EVA1A: variants seen among roughly 807,000 people sequenced by gnomAD.
EVA1A encodes the protein protein eva-1 homolog A.
A neutral mutation model predicts 9.8 loss-of-function variants in EVA1A; 7 were observed. The observed-to-expected ratio is 0.71, with a 90% confidence interval of 0.41 to 1.34. The LOEUF (loss-of-function observed/expected upper bound fraction) is 1.34. Among genes scored for constraint, EVA1A ranks in the 40% most tolerant of loss-of-function variants. The pLI, the probability that EVA1A is intolerant of heterozygous loss-of-function variation, is 0.01. For synonymous variants in EVA1A, 90 were observed against 85.6 expected (o/e 1.05, Z -0.28); for missense variants, 206 against 205.9 (o/e 1.00, Z 0.00).
intron 1 of EVA1A, among the ~76,000 whole-genome samples, chr2:75,552,526 T>G (rs1676561940): frequency 6.6e-6 from 1 of 152,196 alleles, no homozygotes; most frequent in African/African-American, 2.4e-5. Context: ...TGCCCAATTC[T>G]CCACCCTAAT....
intron 1 of EVA1A, among the ~76,000 whole-genome samples, chr2:75,524,320 C>A (rs1470215233): frequency 6.6e-6 from 1 of 151,966 alleles, no homozygotes; most frequent in Non-Finnish European, 1.5e-5. Flanking sequence ...CTCTCTGAGG[C>A]TTCTATCTTC....
At chr2:75,561,259 C>T (rs562248222), upstream of EVA1A, 12 of 152,464 alleles carry the variant, frequency 7.9e-5, no homozygotes, top group African/African-American at 2.9e-4. Context: ...AAGCAGACCT[C>T]CAAGCCCCTG....
chr2:75,517,801 T>A (rs1425547961), intron 3 of EVA1A: 1 of 720,220 alleles, frequency 1.4e-6, no homozygotes, highest in East Asian at 2.7e-5. Flanking sequence ...CTGGGCCACT[T>A]CAATCACTCA....
Position 75,493,417 on chromosome 2 carries a change from G to A in EVA1A, c.278C>T (p.Ser93Phe). Residue 93 changes from serine (S) to phenylalanine (F), a missense_variant, in exon 4 of 4, where the codon TCC becomes TTC. By Grantham distance (155) the Ser-to-Phe change is radical (BLOSUM62 -2). Coordinates refer to ENST00000393913, the MANE Select transcript of EVA1A (RefSeq NM_001135032.2). Reference protein sequence around the residue: ...DSEDGSEDTVSDLSVRRHRRF... With the variant: ...DSEDGSEDTVFDLSVRRHRRF... The stretch of plus-strand genomic sequence containing the variant: ...GCGGTGTCTCCGCACGGAGAGATCG[G>A]ACACGGTGTCCTCACTGCCATCCTC... 6.2e-7 allele frequency: 1 copy of A among 1,614,178 alleles called. No individual in the cohort carries two copies. The highest frequency in any genetic ancestry group is 8.5e-7 in the Non-Finnish European group (1 of 1,180,040).
At chr2:75,514,295 C>T (rs1315818648) in intron 3 of EVA1A, among the ~76,000 whole-genome samples, 2 of 152,006 alleles carry the variant, frequency 1.3e-5, no homozygotes, top group East Asian at 3.9e-4. Flanking sequence ...AGGTGATGCC[C>T]TAGATGGGTA....
chr2:75,507,036 CTGGA>C (rs1674642182), intron 3 of EVA1A, among the ~76,000 whole-genome samples: 1 of 152,178 alleles, frequency 6.6e-6, no homozygotes, highest in African/African-American at 2.4e-5. Flanking sequence ...TAGATCTGTC[CTGGA>C]TCTGTGTTCA....
chr2:75,512,868 C>A (rs1674865611), intron 3 of EVA1A, among the ~76,000 whole-genome samples: 1 of 152,118 alleles, frequency 6.6e-6, no homozygotes, highest in South Asian at 2.1e-4. Flanking sequence ...CCAGACATTG[C>A]CAGAAGTCCC....
intron 1 of EVA1A, among the ~76,000 whole-genome samples, chr2:75,532,961 GGCAAAACCCC>G (rs1675721169): frequency 6.6e-6 from 1 of 151,948 alleles, no homozygotes. Flanking sequence ...TAGGTAATAT[GGCAAAACCCC>G]ATCTTTACTA....
intron 1 of EVA1A, among the ~76,000 whole-genome samples, chr2:75,545,642 G>A (rs765909895): frequency 1.3e-5 from 2 of 152,068 alleles, no homozygotes; most frequent in East Asian, 1.9e-4. Flanking sequence ...CGGGGAAGGA[G>A]GCTAAAGGGA....
At chr2:75,534,501 C>CAA (rs1675803561) in intron 1 of EVA1A, among the ~76,000 whole-genome samples, 1 of 71,478 alleles carries the variant, frequency 1.4e-5, no homozygotes, top group Non-Finnish European at 2.6e-5. Flanking sequence ...GTTCAAGTAA[C>CAA]TAAAAAAAGA....
chr2:75,536,359 TC>T (rs70937851), intron 1 of EVA1A, among the ~76,000 whole-genome samples: 1 of 149,836 alleles, frequency 6.7e-6, no homozygotes, highest in Non-Finnish European at 1.5e-5. Flanking sequence ...CAAAAACACC[TC>T]CCCCCCAAAT....
intron 1 of EVA1A, among the ~76,000 whole-genome samples, chr2:75,538,082 G>A (rs1206455143): frequency 1.3e-5 from 2 of 152,160 alleles, no homozygotes; most frequent in African/African-American, 4.8e-5. Context: ...CTAAGGTCAG[G>A]AGTTCAAGAC....
intron 1 of EVA1A, among the ~76,000 whole-genome samples, chr2:75,548,812 G>C (rs1047045480): frequency 1.3e-5 from 2 of 151,810 alleles, no homozygotes; most frequent in Admixed American, 1.3e-4. Flanking sequence ...TAATCATCAT[G>C]TATTTTATCT....
chr2:75,549,552 G>A (rs990548991), intron 1 of EVA1A, among the ~76,000 whole-genome samples: 2 of 152,172 alleles, frequency 1.3e-5, no homozygotes, highest in Middle Eastern at 3.2e-3. Flanking sequence ...AGAGTGGGGA[G>A]GGGTCCGGCA....
intron 1 of EVA1A, among the ~76,000 whole-genome samples, chr2:75,535,294 G>GTA (rs1675836965): frequency 6.6e-5 from 3 of 45,682 alleles, no homozygotes; most frequent in Non-Finnish European, 1.1e-4. Context: ...CATAGATATG[G>GTA]CAAAAAAAAA....
At chr2:75,517,606 C>T (rs918943599) in intron 3 of EVA1A, among the ~76,000 whole-genome samples, 2 of 152,156 alleles carry the variant, frequency 1.3e-5, no homozygotes, top group Admixed American at 6.5e-5. Context: ...TCTACAGCTT[C>T]GTCAAATACC....
chr2:75,517,711 T>C lies in EVA1A; in HGVS notation c.85+345A>G, dbSNP rs910627767. On this transcript the variant is annotated intron_variant, in intron 3 of 3. Coordinates refer to ENST00000393913, the MANE Select transcript of EVA1A (RefSeq NM_001135032.2). ...GGCAGCCTGTGTGAGGTTAACTGCA[T>C]AGAATAACCAGGCTGAGGTACTCCA... 1.0e-5 allele frequency: 7 copies of C among 691,592 alleles called. No homozygotes were observed. In the East Asian group the frequency reaches 1.3e-4, roughly 13 times the overall value. The allele number at this position is 691,592 out of a possible 1,614,324, so 42.8% of individuals were successfully genotyped here.
At chr2:75,536,110 G>A (rs1218610865) in intron 1 of EVA1A, among the ~76,000 whole-genome samples, 1 of 152,154 alleles carries the variant, frequency 6.6e-6, no homozygotes. Context: ...AGCCAAGGCG[G>A]GCAGATTGCT....
intron 1 of EVA1A, among the ~76,000 whole-genome samples, chr2:75,546,249 A>G (rs1363825340): frequency 2.0e-5 from 3 of 152,308 alleles, no homozygotes; most frequent in African/African-American, 7.2e-5. Flanking sequence ...GTGGCCTCCC[A>G]TAAACATCGC....
Sources: allele counts gnomAD v4.1 joint callset (sites outside exome capture counted in the v4.1 genomes callset), GRCh38; gene constraint gnomAD v4.1.1; transcripts MANE v1.5; gene names NCBI Gene and HGNC (gene_info 2026-07-23, HGNC 2026-07-21).